The following SHISA6 variants were observed in gnomAD, a reference collection of about 807,000 sequenced individuals.
SHISA6 encodes shisa family member 6.
Under a neutral mutation model 47.9 loss-of-function variants are expected in SHISA6, and 22 were observed. That is an observed-to-expected ratio of 0.46 (90% confidence interval 0.33 to 0.66). The LOEUF is 0.66. SHISA6 is among the 30% of genes least tolerant of loss of function. The pLI is 0.02. For synonymous variants in SHISA6, 388 were observed against 337.8 expected (o/e 1.15, Z -1.63); for missense variants, 680 against 764.6 (o/e 0.89, Z 1.30).
At chr17:11,330,220 G>A (rs945815045) in intron 2 of SHISA6, among the ~76,000 whole-genome samples, 2 of 152,094 alleles carry the variant, frequency 1.3e-5, no homozygotes, top group Middle Eastern at 3.2e-3. Context: ...TGATTAACCA[G>A]ACCATGGTCA....
intron 2 of SHISA6, among the ~76,000 whole-genome samples, chr17:11,353,959 C>T (rs1275033558): frequency 1.3e-5 from 2 of 152,150 alleles, no homozygotes; most frequent in Non-Finnish European, 2.9e-5. Context: ...GAACCCCCTA[C>T]TCCAGGGGTT....
At chr17:11,482,816 A>G (rs1361156416) in intron 3 of SHISA6, among the ~76,000 whole-genome samples, 2 of 152,194 alleles carry the variant, frequency 1.3e-5, no homozygotes, top group Admixed American at 6.5e-5. Context: ...CCTGTATGTA[A>G]ATAAGTCATT....
At chr17:11,472,090 G>A (rs1363841872) in intron 3 of SHISA6, among the ~76,000 whole-genome samples, 3 of 151,958 alleles carry the variant, frequency 2.0e-5, no homozygotes, top group African/African-American at 7.3e-5. Flanking sequence ...TGCCGCACCT[G>A]TTCATCCCCC....
At chr17:11,523,176 T>C (rs1038387500) in intron 3 of SHISA6, among the ~76,000 whole-genome samples, 17 of 152,188 alleles carry the variant, frequency 1.1e-4, no homozygotes, top group African/African-American at 3.6e-4. Context: ...GCAAGGACTA[T>C]GTAAAGGCAC....
chr17:11,339,176 A>G (rs1026934943), intron 2 of SHISA6, among the ~76,000 whole-genome samples: 7 of 151,988 alleles, frequency 4.6e-5, no homozygotes, highest in Admixed American at 4.6e-4. Flanking sequence ...AAAAAAAAAA[A>G]AAAAGAAAAC....
chr17:11,446,784 G>T (rs1461690619), intron 3 of SHISA6, among the ~76,000 whole-genome samples: 1 of 152,138 alleles, frequency 6.6e-6, no homozygotes, highest in African/African-American at 2.4e-5. Context: ...TCTTGTGTTT[G>T]CCTTTGTGGT....
At chr17:11,387,929 C>G (rs968454155) in intron 3 of SHISA6, among the ~76,000 whole-genome samples, 1 of 152,188 alleles carries the variant, frequency 6.6e-6, no homozygotes, top group Non-Finnish European at 1.5e-5. Flanking sequence ...ACCACTCCCA[C>G]CAGCCCATTT....
intron 2 of SHISA6, among the ~76,000 whole-genome samples, chr17:11,263,849 T>C (rs1406198371): frequency 6.6e-6 from 1 of 152,076 alleles, no homozygotes; most frequent in Non-Finnish European, 1.5e-5. Context: ...GCCCACGTGG[T>C]GGGAAACTTT....
Position 11,295,352 on chromosome 17 carries a change from A to G in SHISA6, c.799+31826A>G, listed in dbSNP as rs73976933. 4.9e-3 allele frequency among the ~76,000 whole-genome samples: 740 copies of G among 152,252 alleles called. 6 individuals carry two copies. The highest frequency in any genetic ancestry group is 0.017 in the African/African-American group (695 of 41,532). On this transcript the variant is annotated intron_variant, in intron 2 of 5. Transcript: ENST00000441885. ...GCACCTACTAAGTCTCAGGCCCATG[A>G]TGGATTCTGAGGATACAGCTGTGAA... is the stretch of plus-strand genomic sequence containing the variant.
chr17:11,433,255 C>G (rs1914842361), intron 3 of SHISA6, among the ~76,000 whole-genome samples: 2 of 152,086 alleles, frequency 1.3e-5, no homozygotes, highest in African/African-American at 4.8e-5. Context: ...CCGACAGGCC[C>G]CGGTGGGTGA....
intron 3 of SHISA6, among the ~76,000 whole-genome samples, chr17:11,430,569 C>T (rs1339934146): frequency 6.6e-6 from 1 of 152,178 alleles, no homozygotes; most frequent in African/African-American, 2.4e-5. Flanking sequence ...TGATGTATCA[C>T]TGAAGACGAA....
chr17:11,482,827 A>C (rs1052146769), intron 3 of SHISA6, among the ~76,000 whole-genome samples: 1 of 152,224 alleles, frequency 6.6e-6, no homozygotes, highest in Non-Finnish European at 1.5e-5. Context: ...ATAAGTCATT[A>C]GGTACTGCTT....
intron 2 of SHISA6, 112 bp downstream of exon 2, chr17:11,263,638 C>A: frequency 7.5e-7 from 1 of 1,336,454 alleles, no homozygotes; most frequent in Non-Finnish European, 1.0e-6. Flanking sequence ...GAGGGACTCT[C>A]ATGGACAGGC....
chr17:11,478,901 C>T (rs1001156846), intron 3 of SHISA6, among the ~76,000 whole-genome samples: 1 of 148,132 alleles, frequency 6.8e-6, no homozygotes, highest in Admixed American at 6.8e-5. Flanking sequence ...CTTGGCGATG[C>T]GGGCTCTTTT....
intron 3 of SHISA6, among the ~76,000 whole-genome samples, chr17:11,470,010 C>G (rs781171253): frequency 1.7e-4 from 26 of 152,166 alleles, no homozygotes; most frequent in Non-Finnish European, 3.2e-4. Context: ...AGAGGGCTCT[C>G]TCTTTCTCTG....
In SHISA6 at chr17:11,263,353, C is replaced by T; in HGVS notation, c.639-13C>T. ...CTCAGTGAATCTCATTATGTGATCT[C>T]CTCCTTGTTTAGGGCTCTGGCTGAC... On this transcript the variant is annotated splice_polypyrimidine_tract_variant and intron_variant, in intron 1 of 5. Transcript: ENST00000441885. 6.4e-7 allele frequency: 1 copy of T among 1,551,838 alleles called. No individual in the cohort carries two copies. Among genetic ancestry groups the T allele is most frequent in the Non-Finnish European group, 8.7e-7 (1 of 1,146,932 alleles).
At chr17:11,454,901 A>G (rs78388362) in intron 3 of SHISA6, among the ~76,000 whole-genome samples, 10,515 of 152,208 alleles carry the variant, frequency 0.069, 433 homozygotes, top group Non-Finnish European at 0.099. Context: ...TGGGCACGGT[A>G]GCTCATGCCT....
chr17:11,405,145 G>T (rs1412396892), intron 3 of SHISA6, among the ~76,000 whole-genome samples: 2 of 152,140 alleles, frequency 1.3e-5, no homozygotes, highest in African/African-American at 4.8e-5. Flanking sequence ...TAGAAGTAAG[G>T]CTATGTAACT....
chr17:11,306,790 A>G (rs763875604), intron 2 of SHISA6, among the ~76,000 whole-genome samples: 1 of 152,174 alleles, frequency 6.6e-6, no homozygotes, highest in Non-Finnish European at 1.5e-5. Flanking sequence ...AACTGCACTT[A>G]GTATTCTTTC....
Sources: allele counts gnomAD v4.1 joint callset (sites outside exome capture counted in the v4.1 genomes callset), GRCh38; gene constraint gnomAD v4.1.1; transcripts MANE v1.5; gene names NCBI Gene and HGNC (gene_info 2026-07-23, HGNC 2026-07-21).